The following RYR3 variants were observed in gnomAD, a reference collection of about 807,000 sequenced individuals.
The protein encoded by RYR3 is brain ryanodine receptor-calcium release channel.
In RYR3, 207 loss-of-function variants were observed where a neutral mutation model predicts 584.3. The observed-to-expected ratio is 0.35, with a 90% CI of 0.32 to 0.40. The LOEUF (loss-of-function observed/expected upper bound fraction) is 0.40. Ranked by LOEUF, RYR3 falls within the 10% of genes least tolerant of loss-of-function variation. The probability of loss-of-function intolerance (pLI) is 1.00; values close to 1 mark genes in which losing one functional copy is unlikely to be tolerated. For missense variants in RYR3, 5,616 were observed against 6,089.2 expected (o/e 0.92, Z 2.59); for synonymous variants, 2,416 against 2,248.5 (o/e 1.07, Z -2.11).
At chr15:33,512,210 T>G (rs1378905950) in intron 3 of RYR3, among the ~76,000 whole-genome samples, 1 of 152,220 alleles carries the variant, frequency 6.6e-6, no homozygotes, top group Non-Finnish European at 1.5e-5. Context: ...GCTTCAGACC[T>G]CTTCCAGTGC....
intron 1 of RYR3, among the ~76,000 whole-genome samples, chr15:33,356,844 C>T (rs970160785): frequency 6.6e-6 from 1 of 152,072 alleles, no homozygotes; most frequent in African/African-American, 2.4e-5. Flanking sequence ...AGTAAGAATC[C>T]AGTAAATCAC....
At chr15:33,341,173 G>T (rs1285141201) in intron 1 of RYR3, among the ~76,000 whole-genome samples, 1 of 152,042 alleles carries the variant, frequency 6.6e-6, no homozygotes, top group East Asian at 1.9e-4. Flanking sequence ...CGAGTAGCTG[G>T]GACTACAGGT....
intron 2 of RYR3, among the ~76,000 whole-genome samples, chr15:33,499,209 TCTC>T (rs937121612): frequency 8.9e-5 from 12 of 134,330 alleles, no homozygotes; most frequent in African/African-American, 3.4e-4. Flanking sequence ...TCTCCCTGCC[TCTC>T]CTCCTCTCTC....
chr15:33,595,599 A>G (rs2059332837), intron 16 of RYR3, among the ~76,000 whole-genome samples: 1 of 152,210 alleles, frequency 6.6e-6, no homozygotes, highest in South Asian at 2.1e-4. Flanking sequence ...GGAGTTGAAT[A>G]GCTTTAATTT....
At chr15:33,346,460 C>A (rs1310062201) in intron 1 of RYR3, among the ~76,000 whole-genome samples, 1 of 152,218 alleles carries the variant, frequency 6.6e-6, no homozygotes, top group Non-Finnish European at 1.5e-5. Context: ...ACCCATGCAG[C>A]TGCAAGAGCA....
At chr15:33,576,743 C>T (rs993824883) in intron 12 of RYR3, among the ~76,000 whole-genome samples, 5 of 152,236 alleles carry the variant, frequency 3.3e-5, no homozygotes, top group Non-Finnish European at 7.4e-5. Context: ...TCCTGTTTAA[C>T]GTAGTGTTGG....
Position 33,663,525 on chromosome 15 carries a change from C to A in RYR3, c.5419-12C>A. ...TACACAAAGTGTTATCTATATAATA[C>A]TTTCATTGCAGATGTGTGAGCTCCT... On this transcript the variant is annotated splice_polypyrimidine_tract_variant and intron_variant, in intron 35 of 103. Coordinates refer to ENST00000634891, the MANE Select transcript of RYR3 (RefSeq NM_001036.6). 1 of 1,611,608 alleles carries A rather than the reference C, an allele frequency of 6.2e-7. No individual in the cohort carries two copies. Among genetic ancestry groups the A allele is most frequent in the Non-Finnish European group, 8.5e-7 (1 of 1,178,692 alleles).
chr15:33,508,713 A>G (rs2142843855), intron 3 of RYR3, among the ~76,000 whole-genome samples: 1 of 152,298 alleles, frequency 6.6e-6, no homozygotes, highest in Middle Eastern at 3.4e-3. Flanking sequence ...TATTTCTGCA[A>G]GAACCTTTAT....
chr15:33,520,715 G>A (rs572990693), intron 3 of RYR3, among the ~76,000 whole-genome samples: 26 of 149,918 alleles, frequency 1.7e-4, no homozygotes, highest in African/African-American at 5.9e-4. Context: ...ACCATAATAA[G>A]AAACATGTGT....
At chr15:33,775,299 G>T (rs899877238) in intron 64 of RYR3, among the ~76,000 whole-genome samples, 2 of 147,986 alleles carry the variant, frequency 1.4e-5, no homozygotes, top group African/African-American at 5.0e-5. Flanking sequence ...TCATCTGTGT[G>T]TTGGTTATTA....
In RYR3 at chr15:33,854,355, T is replaced by G. The variant is rs2079421434; in HGVS notation, c.13800-34T>G. The G allele has an allele frequency of 2.0e-6, 3 of 1,533,052 alleles. No individual in the cohort carries two copies. In the East Asian group the frequency reaches 7.2e-5, roughly 37 times the overall value. 95.0% of individuals were successfully genotyped at this position (1,533,052 alleles called of 1,614,324 possible). A position where few individuals can be genotyped will look rare whatever the true frequency, so the allele number is the denominator to read the frequency against. ...TTGAGCACTTAACTACCTCTTGACA[T>G]TTATAAGTTTTAAAATCACTTGTTC... On this transcript the variant is annotated intron_variant, in intron 96 of 103. Transcript: ENST00000634891.
At chr15:33,840,548 T>G (rs1265784533) in intron 89 of RYR3, 1 of 470,416 alleles carries the variant, frequency 2.1e-6, no homozygotes, top group Admixed American at 3.7e-5. Context: ...AACCACCGCC[T>G]TGAGGCTCTT....
At chr15:33,786,180 G>T (rs538658920) in intron 66 of RYR3, among the ~76,000 whole-genome samples, 198 bp downstream of exon 66, 3 of 152,130 alleles carry the variant, frequency 2.0e-5, no homozygotes, top group East Asian at 1.9e-4. Flanking sequence ...CAATGCTCCC[G>T]GCCCACTCCC....
At chr15:33,611,946 C>T (rs1367004723) in intron 18 of RYR3, among the ~76,000 whole-genome samples, 1 of 152,086 alleles carries the variant, frequency 6.6e-6, no homozygotes, top group African/African-American at 2.4e-5. Context: ...GGCATGAGCT[C>T]CCCAGCCTTT....
rs1176470814 is a variant in RYR3, at chr15:33,650,686, C to T, written c.4142+1451C>T. 2.0e-5 allele frequency among the ~76,000 whole-genome samples: 3 copies of T among 152,168 alleles called. 1 individual carries two copies. The highest frequency in any genetic ancestry group is 4.4e-5 in the Non-Finnish European group (3 of 68,038). ...TCCGCTCATACTCAATGACCTCAGT[C>T]AGCACTGAACCCTGGTATAGGAAAT... On this transcript the variant is annotated intron_variant, in intron 31 of 103. Transcript: ENST00000634891.
chr15:33,523,521 AC>A (rs2140986330), intron 3 of RYR3, among the ~76,000 whole-genome samples: 1 of 152,204 alleles, frequency 6.6e-6, no homozygotes, highest in East Asian at 1.9e-4. Context: ...GAGACCAAGA[AC>A]CCACCAGAAG....
chr15:33,654,937 A>T (rs1438124453), intron 32 of RYR3, among the ~76,000 whole-genome samples: 1 of 152,246 alleles, frequency 6.6e-6, no homozygotes, highest in Admixed American at 6.5e-5. Flanking sequence ...TAGACAGCAG[A>T]CAGAGTAGCC....
At chr15:33,783,408 A>G (rs2074502376) in intron 65 of RYR3, among the ~76,000 whole-genome samples, 1 of 152,218 alleles carries the variant, frequency 6.6e-6, no homozygotes, top group Non-Finnish European at 1.5e-5. Context: ...CTCGGAATTC[A>G]TTCTGTGGGT....
intron 51 of RYR3, 114 bp downstream of exon 51, chr15:33,740,109 T>C: frequency 1.2e-6 from 1 of 833,070 alleles, no homozygotes; most frequent in Non-Finnish European, 1.9e-6. Context: ...GCCAACACTG[T>C]TCATCATTTC....
Sources: gnomAD v4.1 joint callset for allele counts (sites outside exome capture counted in the v4.1 genomes callset) on GRCh38, gnomAD v4.1.1 for gene constraint, MANE v1.5 for transcripts, NCBI Gene and HGNC (gene_info 2026-07-23, HGNC 2026-07-21) for gene names.